Variants in SCP2 observed in about 807,000 individuals in gnomAD.
SCP2 encodes the protein sterol carrier protein 2.
In SCP2, 48 loss-of-function variants were observed where a neutral mutation model predicts 71.4. The observed-to-expected ratio is 0.67, with a 90% CI of 0.53 to 0.86. The LOEUF is 0.86. Ranked by LOEUF, SCP2 falls within the 40% of genes least tolerant of loss-of-function variation. The pLI, the probability that SCP2 is intolerant of heterozygous loss-of-function variation, is 0.00. For missense variants in SCP2, 560 were observed against 655.6 expected (o/e 0.85, Z 1.59); for synonymous variants, 220 against 218.1 (o/e 1.01, Z -0.08).
intron 11 of SCP2, among the ~76,000 whole-genome samples, chr1:52,990,714 A>G (rs1274258456): frequency 7.2e-6 from 1 of 138,056 alleles, no homozygotes; most frequent in African/African-American, 2.8e-5. Flanking sequence ...AGCCTGGACG[A>G]CAGAGTGAGA....
At chr1:52,969,637 C>T (rs1657277977) in intron 6 of SCP2, among the ~76,000 whole-genome samples, 1 of 152,126 alleles carries the variant, frequency 6.6e-6, no homozygotes, top group South Asian at 2.1e-4. Flanking sequence ...GCCTGGCCAA[C>T]ATGGTGAAAC....
intron 15 of SCP2, 81 bp from the exon 16 acceptor site, chr1:53,050,528 C>A: frequency 1.1e-6 from 1 of 875,158 alleles, no homozygotes; most frequent in Non-Finnish European, 1.9e-6. Flanking sequence ...AATAAATGAT[C>A]TCAGGGCTAG....
intron 11 of SCP2, among the ~76,000 whole-genome samples, chr1:53,013,001 G>T (rs1661078987): frequency 1.3e-5 from 2 of 151,768 alleles, no homozygotes; most frequent in Admixed American, 1.3e-4. Flanking sequence ...CAGTAAAACT[G>T]ATTGCCCCCA....
chr1:52,972,887 C>T (rs1657616620), intron 6 of SCP2, among the ~76,000 whole-genome samples: 1 of 152,332 alleles, frequency 6.6e-6, no homozygotes, highest in South Asian at 2.1e-4. Context: ...CTGCTAGTCA[C>T]ATCACACTAT....
intron 6 of SCP2, among the ~76,000 whole-genome samples, chr1:52,965,612 T>C (rs932673613): frequency 6.6e-6 from 1 of 152,102 alleles, no homozygotes; most frequent in Non-Finnish European, 1.5e-5. Context: ...AAGGTGGTCG[T>C]TGCTTGTGTA....
chr1:52,994,606 T>C (rs1383975999), intron 11 of SCP2: 3 of 397,846 alleles, frequency 7.5e-6, no homozygotes, highest in African/African-American at 2.1e-5. Context: ...ACCTTGCTGC[T>C]CTAGCCTCTG....
intron 12 of SCP2, among the ~76,000 whole-genome samples, chr1:53,021,667 C>G (rs1158660579): frequency 8.8e-6 from 1 of 113,918 alleles, no homozygotes; most frequent in Admixed American, 1.1e-4. Flanking sequence ...TTTTTTGGGA[C>G]AGAGTCTTGC....
intron 12 of SCP2, among the ~76,000 whole-genome samples, chr1:53,020,729 TATC>T (rs1446881467): frequency 6.6e-6 from 1 of 152,216 alleles, no homozygotes; most frequent in African/African-American, 2.4e-5. Context: ...AAGAGGATCT[TATC>T]ATATCTCCCA....
intron 12 of SCP2, among the ~76,000 whole-genome samples, chr1:53,026,933 C>T (rs932177199): frequency 1.3e-5 from 2 of 149,606 alleles, no homozygotes; most frequent in African/African-American, 4.9e-5. Context: ...TATTGAACAA[C>T]TGCTGCACTT....
At chr1:52,948,805 G>A (rs1655035875) in intron 3 of SCP2, among the ~76,000 whole-genome samples, 1 of 151,870 alleles carries the variant, frequency 6.6e-6, no homozygotes, top group Admixed American at 6.6e-5. Context: ...TGTATATATT[G>A]TATAATAATT....
At chr1:53,016,701 T>C (rs1661365402) in intron 12 of SCP2, among the ~76,000 whole-genome samples, 1 of 151,902 alleles carries the variant, frequency 6.6e-6, no homozygotes, top group South Asian at 2.1e-4. Context: ...GGGTACAGAG[T>C]AGATTATTTT....
At chr1:53,017,153 G>A (rs1202654310) in intron 12 of SCP2, among the ~76,000 whole-genome samples, 1 of 151,998 alleles carries the variant, frequency 6.6e-6, no homozygotes, top group Non-Finnish European at 1.5e-5. Context: ...TCTATATTCT[G>A]TTAAATAAAA....
At chr1:53,039,655 A>G (rs997250846) in intron 14 of SCP2, among the ~76,000 whole-genome samples, 16 of 152,058 alleles carry the variant, frequency 1.1e-4, no homozygotes, top group Admixed American at 6.6e-5. Flanking sequence ...TTCCTTACCT[A>G]CTGACTGTTC....
intron 12 of SCP2, among the ~76,000 whole-genome samples, chr1:53,019,741 G>T (rs559802152): frequency 3.3e-5 from 5 of 152,114 alleles, no homozygotes; most frequent in East Asian, 1.9e-4. Flanking sequence ...AGGAATGCAC[G>T]CAATAATCTT....
chr1:52,949,594 A>G (rs891693233), intron 3 of SCP2, among the ~76,000 whole-genome samples: 6 of 152,118 alleles, frequency 3.9e-5, no homozygotes, highest in Non-Finnish European at 8.8e-5. Context: ...CACATTCTGT[A>G]TTTGTCCTGA....
At position 53,038,988 on chromosome 1, in the gene SCP2, A is replaced by C; in HGVS notation, c.1410A>C (p.Lys470Asn). The part of the protein sequence containing the change: ...AFKVKDGPGG[K>N]EATWVVDVKN... ...AGGTGAAAGATGGCCCTGGGGGTAA[A>C]GAGGCCACCTGGGTGGTGGATGTGA... Residue 470 changes from lysine (K) to asparagine (N), a missense_variant, in exon 14 of 16, where the codon AAA becomes AAC. Physicochemically the swap from Lys to Asn is moderately conservative, Grantham distance 94. This residue lies in a region of SCP2 where 513 missense variants were observed against 573.1 expected (regional missense o/e 0.90). Coordinates refer to ENST00000371514, the MANE Select transcript of SCP2 (RefSeq NM_002979.5). 1 of 1,614,144 alleles carries C rather than the reference A, an allele frequency of 6.2e-7. No individual in the cohort carries two copies. The highest frequency in any genetic ancestry group is 8.5e-7 in the Non-Finnish European group (1 of 1,179,994).
chr1:53,013,995 A>G (rs1322940730), intron 11 of SCP2, among the ~76,000 whole-genome samples: 1 of 138,860 alleles, frequency 7.2e-6, no homozygotes, highest in Non-Finnish European at 1.5e-5. Flanking sequence ...TCCCGGGTTC[A>G]CGCCATTCTC....
intron 12 of SCP2, among the ~76,000 whole-genome samples, chr1:53,027,689 G>C (rs2150245566): frequency 6.6e-6 from 1 of 152,102 alleles, no homozygotes; most frequent in Middle Eastern, 3.4e-3. Context: ...ATTTTTAGTA[G>C]ATACGGGGTT....
At chr1:52,973,385 A>G (rs1011805641) in intron 6 of SCP2, among the ~76,000 whole-genome samples, 8 of 152,100 alleles carry the variant, frequency 5.3e-5, no homozygotes, top group African/African-American at 1.4e-4. Flanking sequence ...AAAAATGAAA[A>G]TAACCCCCCA....
Sources: gnomAD v4.1 joint callset for allele counts (sites outside exome capture counted in the v4.1 genomes callset) on GRCh38, gnomAD v4.1.1 for gene constraint, gnomAD v4.1.1 regional missense constraint, MANE v1.5 for transcripts, NCBI Gene and HGNC (gene_info 2026-07-23, HGNC 2026-07-21) for gene names.